Variants in HPSE2 observed in about 807,000 individuals in gnomAD.
HPSE2 encodes heparanase 2 (inactive), also known as inactive heparanase-2.
A neutral mutation model predicts 60.5 loss-of-function variants in HPSE2; 38 were observed. That is an observed-to-expected ratio of 0.63 (90% CI 0.48 to 0.82). The LOEUF is 0.82. Among genes scored for constraint, HPSE2 ranks in the 40% least tolerant of loss-of-function variants. HPSE2 has a pLI of 0.00. For synonymous variants in HPSE2, 295 were observed against 293.2 expected, an observed-to-expected ratio of 1.01 and a Z score of -0.06; for missense variants, 713 against 740.4, an observed-to-expected ratio of 0.96 and a Z score of 0.43.
chr10:98,998,017 C>T (rs1956688867), intron 3 of HPSE2, among the ~76,000 whole-genome samples: 1 of 152,208 alleles, frequency 6.6e-6, no homozygotes, highest in African/African-American at 2.4e-5. Context: ...CCATTGGTGG[C>T]ATTTCTAATA....
chr10:99,295,921 C>T, the HPSE2 span, among the ~76,000 whole-genome samples: 1 of 152,144 alleles, frequency 6.6e-6, no homozygotes, highest in Non-Finnish European at 1.5e-5. Flanking sequence ...GCCAGCATAA[C>T]CTTTAGGTTA....
At chr10:98,805,871 G>A (rs1475987219) in intron 3 of HPSE2, among the ~76,000 whole-genome samples, 1 of 152,028 alleles carries the variant, frequency 6.6e-6, no homozygotes, top group African/African-American at 2.4e-5. Context: ...TTAGCTAAAA[G>A]TAAACAAACA....
chr10:98,595,736 AT>A (rs1564997668), intron 9 of HPSE2, among the ~76,000 whole-genome samples: 1 of 152,088 alleles, frequency 6.6e-6, no homozygotes, highest in East Asian at 1.9e-4. Context: ...TTCCAATACT[AT>A]GTTGAGTAGA....
At chr10:98,510,732 AGTGCG>A (rs1281009737) in intron 9 of HPSE2, among the ~76,000 whole-genome samples, 1 of 152,220 alleles carries the variant, frequency 6.6e-6, no homozygotes, top group Non-Finnish European at 1.5e-5. Context: ...ACATATTCCT[AGTGCG>A]TAAGGTTTCC....
At chr10:98,511,583 TGTGTGTGTGTGTGTTTG>T (rs1942403911) in intron 9 of HPSE2, among the ~76,000 whole-genome samples, 1 of 150,448 alleles carries the variant, frequency 6.6e-6, no homozygotes. Context: ...TGTGTGTGTG[TGTGTGTGTGTGTGTTTG>T]TGTGTGTGTG....
At chr10:98,691,348 G>A (rs1475909025) in intron 6 of HPSE2, among the ~76,000 whole-genome samples, 2 of 152,022 alleles carry the variant, frequency 1.3e-5, no homozygotes, top group African/African-American at 4.8e-5. Context: ...TATTTATCTG[G>A]AGATATGGCC....
chr10:98,462,861 C>G (rs948731297), intron 11 of HPSE2, among the ~76,000 whole-genome samples: 15 of 152,222 alleles, frequency 9.9e-5, no homozygotes, highest in South Asian at 2.1e-4. Flanking sequence ...TACATTCTTT[C>G]TATGAACTTC....
chr10:98,850,143 C>T (rs2134729329), intron 3 of HPSE2, among the ~76,000 whole-genome samples: 1 of 152,256 alleles, frequency 6.6e-6, no homozygotes, highest in East Asian at 1.9e-4. Context: ...AATGGCATCA[C>T]TTTGCTAAAA....
chr10:98,549,804 A>G (rs1943806090), intron 9 of HPSE2, among the ~76,000 whole-genome samples: 1 of 152,000 alleles, frequency 6.6e-6, no homozygotes, highest in East Asian at 1.9e-4. Flanking sequence ...CGCTTCCTAC[A>G]TCTCAGAACG....
At chr10:99,067,278 A>G (rs1842646533) in intron 3 of HPSE2, among the ~76,000 whole-genome samples, 1 of 152,106 alleles carries the variant, frequency 6.6e-6, no homozygotes, top group African/African-American at 2.4e-5. Context: ...CAGTGGATCT[A>G]CCATTCTGGG....
At chr10:98,860,129 AG>A (rs1209680967) in intron 3 of HPSE2, among the ~76,000 whole-genome samples, 1 of 152,144 alleles carries the variant, frequency 6.6e-6, no homozygotes, top group Non-Finnish European at 1.5e-5. Flanking sequence ...CTCATGGATA[AG>A]GGGGGACTAC....
chr10:99,092,160 G>C (rs1039557801), intron 3 of HPSE2, among the ~76,000 whole-genome samples: 2 of 152,092 alleles, frequency 1.3e-5, no homozygotes, highest in African/African-American at 4.8e-5. Flanking sequence ...GCTTGGATAA[G>C]TCCTATAGGA....
At chr10:98,978,336 A>G (rs1402326795) in intron 3 of HPSE2, among the ~76,000 whole-genome samples, 1 of 152,192 alleles carries the variant, frequency 6.6e-6, no homozygotes, top group Non-Finnish European at 1.5e-5. Context: ...ATGAAGTCAT[A>G]GAGAAGAGAC....
chr10:98,985,324 G>A (rs1324368443), intron 3 of HPSE2, among the ~76,000 whole-genome samples: 1 of 152,176 alleles, frequency 6.6e-6, no homozygotes, highest in Non-Finnish European at 1.5e-5. Context: ...AGAAGAGAGT[G>A]GGGGCCAATA....
chr10:98,895,129 T>G (rs1953448001), intron 3 of HPSE2, among the ~76,000 whole-genome samples: 1 of 152,114 alleles, frequency 6.6e-6, no homozygotes, highest in African/African-American at 2.4e-5. Context: ...CATCACAGTT[T>G]CTGAGAGTAA....
intron 11 of HPSE2, among the ~76,000 whole-genome samples, chr10:98,460,858 C>G (rs1362249891): frequency 1.3e-5 from 2 of 152,180 alleles, no homozygotes; most frequent in Non-Finnish European, 2.9e-5. Context: ...CCTATGGTAC[C>G]AGAATCCAGA....
intron 9 of HPSE2, among the ~76,000 whole-genome samples, chr10:98,552,293 GATCATCATCATCATC>G (rs6144046): frequency 6.6e-6 from 1 of 151,128 alleles, no homozygotes; most frequent in Non-Finnish European, 1.5e-5. Flanking sequence ...GTGTAATGGA[GATCATCATCATCATC>G]ATCATCATCA....
rs145540159 is a variant in HPSE2 at position 99,180,310 on chromosome 10, G to C, written c.449-35911C>G. Among the ~76,000 whole-genome samples the C allele has an allele frequency of 6.3e-4, 96 of 152,184 alleles. 1 individual carries two copies. In the East Asian group the frequency reaches 0.018, roughly 29 times the overall value. ...ACAGCAAAAGAAACTAATTATCAGA[G>C]TGAACAGGCAACCTACAGCATGAGA... On this transcript the variant is annotated intron_variant, in intron 2 of 11. Coordinates refer to ENST00000370552, the MANE Select transcript of HPSE2 (RefSeq NM_021828.5).
At chr10:98,459,814 A>T in intron 11 of HPSE2, 75 bp from the exon 12 acceptor site, 1 of 1,416,992 alleles carries the variant, frequency 7.1e-7, no homozygotes, top group Admixed American at 1.9e-5. Flanking sequence ...CTAGCCCCAG[A>T]TGGCCTGGCA....
Sources: allele counts gnomAD v4.1 joint callset (sites outside exome capture counted in the v4.1 genomes callset), GRCh38; gene constraint gnomAD v4.1.1; transcripts MANE v1.5; gene names NCBI Gene and HGNC (gene_info 2026-07-23, HGNC 2026-07-21).